The following VAV3 variants were observed in gnomAD, a reference collection of about 807,000 sequenced individuals.
VAV3 encodes vav guanine nucleotide exchange factor 3.
Under a neutral mutation model 131.2 loss-of-function variants are expected in VAV3, and 94 were observed. The observed-to-expected ratio is 0.72, with a 90% CI of 0.61 to 0.85. The LOEUF (loss-of-function observed/expected upper bound fraction) is 0.85. Ranked by LOEUF, VAV3 falls within the 40% of genes least tolerant of loss-of-function variation. The pLI is 0.00. For synonymous variants in VAV3, 349 were observed against 342.0 expected (o/e 1.02, Z -0.22); for missense variants, 939 against 1,002.7 (o/e 0.94, Z 0.86).
intron 15 of VAV3, among the ~76,000 whole-genome samples, chr1:107,707,522 G>A (rs1427391361): frequency 2.0e-5 from 3 of 152,184 alleles, no homozygotes; most frequent in Non-Finnish European, 4.4e-5. Context: ...TATAATAAGG[G>A]TGTGATCATG....
chr1:107,869,453 A>G (rs1328725464), intron 2 of VAV3, among the ~76,000 whole-genome samples: 2 of 152,142 alleles, frequency 1.3e-5, no homozygotes, highest in Non-Finnish European at 2.9e-5. Flanking sequence ...CAATAAGAGT[A>G]CTTACCTTGG....
intron 2 of VAV3, among the ~76,000 whole-genome samples, chr1:107,807,617 T>C (rs1667118476): frequency 6.6e-6 from 1 of 152,186 alleles, no homozygotes; most frequent in Non-Finnish European, 1.5e-5. Flanking sequence ...TTTCACAGTT[T>C]ATAACCAGCA....
chr1:107,898,103 T>TAA lies in VAV3; in HGVS notation c.205-23088_205-23087dup, dbSNP rs71684098. ...TGGGCAAAGAATGTCATTATTAAAT[T>TAA]AAAAAAAAAAGGAAGCAGATCAAAA... On this transcript the variant is annotated intron_variant, in intron 1 of 26. Transcript: ENST00000370056. Among the ~76,000 whole-genome samples, 23 of 148,752 alleles carry TAA rather than the reference T, an allele frequency of 1.5e-4. 1 individual carries two copies. In the South Asian group the frequency reaches 2.5e-3, roughly 16 times the overall value.
At chr1:107,583,769 T>C (rs535632299) in intron 25 of VAV3, among the ~76,000 whole-genome samples, 4,780 of 152,230 alleles carry the variant, frequency 0.031, 253 homozygotes, top group African/African-American at 0.11. Flanking sequence ...TACAAACAAA[T>C]GGAAGAACAT....
chr1:107,736,449 T>C (rs1400898231), intron 15 of VAV3, among the ~76,000 whole-genome samples: 2 of 152,100 alleles, frequency 1.3e-5, no homozygotes, highest in Non-Finnish European at 2.9e-5. Context: ...GATTGTATAT[T>C]TAGAAAACCC....
At chr1:107,682,649 T>C (rs1054908155) in intron 19 of VAV3, among the ~76,000 whole-genome samples, 13 of 152,304 alleles carry the variant, frequency 8.5e-5, no homozygotes, top group Middle Eastern at 3.4e-3. Flanking sequence ...GTGGTTTCAG[T>C]TATAAACTAT....
chr1:107,870,840 A>G (rs542988008), intron 2 of VAV3, among the ~76,000 whole-genome samples: 1 of 152,278 alleles, frequency 6.6e-6, no homozygotes, highest in South Asian at 2.1e-4. Context: ...TTAAGAAAAC[A>G]TATCACTTTA....
At chr1:107,888,467 G>A (rs568298647) in intron 1 of VAV3, among the ~76,000 whole-genome samples, 14 of 152,218 alleles carry the variant, frequency 9.2e-5, no homozygotes, top group African/African-American at 3.1e-4. Context: ...TTGTTTGTTT[G>A]TGTTGTTGGA....
chr1:107,606,803 C>CTTTTTT (rs34849497), intron 22 of VAV3, among the ~76,000 whole-genome samples: 8 of 58,008 alleles, frequency 1.4e-4, no homozygotes, highest in Admixed American at 2.2e-4. Context: ...ATGGTTTCTT[C>CTTTTTT]TTTTTTTTTT....
chr1:107,613,365 T>A (rs1652900434), intron 21 of VAV3, among the ~76,000 whole-genome samples: 1 of 152,106 alleles, frequency 6.6e-6, no homozygotes, highest in Admixed American at 6.6e-5. Flanking sequence ...TATTTGTATC[T>A]CATCACTCCA....
chr1:107,851,295 T>C (rs1449467738), intron 2 of VAV3, among the ~76,000 whole-genome samples: 1 of 151,560 alleles, frequency 6.6e-6, no homozygotes. Flanking sequence ...ATCTGTATCA[T>C]CTGGCCTTAA....
At chr1:107,943,727 C>G (rs530997414) in intron 1 of VAV3, among the ~76,000 whole-genome samples, 1 of 152,136 alleles carries the variant, frequency 6.6e-6, no homozygotes, top group Admixed American at 6.5e-5. Context: ...GGCAACAGAG[C>G]GAGACTCCGT....
intron 5 of VAV3, among the ~76,000 whole-genome samples, chr1:107,772,428 A>AT (rs1198851760): frequency 5.9e-5 from 9 of 152,200 alleles, no homozygotes; most frequent in African/African-American, 2.2e-4. Context: ...GTATAATTTC[A>AT]TGATTCCCTA....
chr1:107,815,298 C>G (rs537365759), intron 2 of VAV3, among the ~76,000 whole-genome samples: 1 of 152,258 alleles, frequency 6.6e-6, no homozygotes, highest in Admixed American at 6.5e-5. Flanking sequence ...GCATACCAGC[C>G]CCAGACTAAC....
chr1:107,754,192 G>A (rs920743566), intron 12 of VAV3, among the ~76,000 whole-genome samples: 22 of 152,122 alleles, frequency 1.4e-4, no homozygotes, highest in African/African-American at 4.6e-4. Context: ...TCATGCCAAG[G>A]AATATTGACT....
At chr1:107,817,881 T>C (rs1427812566) in intron 2 of VAV3, among the ~76,000 whole-genome samples, 1 of 152,196 alleles carries the variant, frequency 6.6e-6, no homozygotes, top group Non-Finnish European at 1.5e-5. Context: ...TGCAATTTAC[T>C]GCTCTGAGTT....
At chr1:107,835,753 C>T (rs1483304653) in intron 2 of VAV3, among the ~76,000 whole-genome samples, 1 of 152,236 alleles carries the variant, frequency 6.6e-6, no homozygotes, top group Non-Finnish European at 1.5e-5. Flanking sequence ...ACCATCTGCA[C>T]AGCCACAGCA....
intron 1 of VAV3, among the ~76,000 whole-genome samples, chr1:107,951,228 A>C (rs1674516901): frequency 6.6e-6 from 1 of 152,168 alleles, no homozygotes; most frequent in Non-Finnish European, 1.5e-5. Context: ...CTTCCTCTGT[A>C]GTAACCATTC....
chr1:107,943,346 A>G (rs1208656754), intron 1 of VAV3, among the ~76,000 whole-genome samples: 2 of 152,188 alleles, frequency 1.3e-5, no homozygotes, highest in African/African-American at 4.8e-5. Context: ...AAACTACAAA[A>G]TTACATAAGA....
Sources: gnomAD v4.1 joint callset for allele counts (sites outside exome capture counted in the v4.1 genomes callset) on GRCh38, gnomAD v4.1.1 for gene constraint, MANE v1.5 for transcripts, NCBI Gene and HGNC (gene_info 2026-07-23, HGNC 2026-07-21) for gene names.